The following PAFAH1B1 variants were observed in gnomAD, a reference collection of about 807,000 sequenced individuals.
PAFAH1B1 encodes platelet-activating factor acetylhydrolase IB subunit beta.
In PAFAH1B1, 2 loss-of-function variants were observed where a neutral mutation model predicts 57.5. The observed-to-expected ratio is 0.03, with a 90% CI of 0.01 to 0.11. The LOEUF (loss-of-function observed/expected upper bound fraction) is 0.11. PAFAH1B1 is among the 10% of genes least tolerant of loss of function. The pLI, the probability that PAFAH1B1 is intolerant of heterozygous loss-of-function variation, is 1.00. For missense variants in PAFAH1B1, 257 were observed against 512.0 expected (o/e 0.50, Z 4.81); for synonymous variants, 152 against 169.6 (o/e 0.90, Z 0.81).
chr17:2,676,679 T>TCATA (rs2069273526), intron 9 of PAFAH1B1, 73 bp downstream of exon 9: 3 of 876,410 alleles, frequency 3.4e-6, no homozygotes, highest in Non-Finnish European at 3.9e-6. Flanking sequence ...TGCTTTATGA[T>TCATA]ATCTTAAATA....
At chr17:2,677,769 G>T (rs2069293250) in intron 9 of PAFAH1B1, among the ~76,000 whole-genome samples, 1 of 151,802 alleles carries the variant, frequency 6.6e-6, no homozygotes, top group Non-Finnish European at 1.5e-5. Context: ...CAGGAGAATG[G>T]CGTGAACCCG....
At chr17:2,664,688 CTCTCTT>C (rs57476585) in intron 2 of PAFAH1B1, among the ~76,000 whole-genome samples, 21,033 of 99,928 alleles carry the variant, frequency 0.21, 1,955 homozygotes, top group Non-Finnish European at 0.29. Context: ...CTCTCTCTCT[CTCTCTT>C]TCTCTCTCCA....
chr17:2,664,235 T>TG (rs1247888939), intron 2 of PAFAH1B1, among the ~76,000 whole-genome samples: 1 of 152,196 alleles, frequency 6.6e-6, no homozygotes, highest in African/African-American at 2.4e-5. Flanking sequence ...ACAATACTAC[T>TG]GGAGTGTGTT....
chr17:2,633,124 T>A (rs2068575405), intron 1 of PAFAH1B1, among the ~76,000 whole-genome samples: 1 of 152,094 alleles, frequency 6.6e-6, no homozygotes, highest in South Asian at 2.1e-4. Flanking sequence ...TCCTGTGGTC[T>A]TTTTCTCCAC....
At chr17:2,634,566 A>G (rs1218927626) in intron 1 of PAFAH1B1, among the ~76,000 whole-genome samples, 7 of 151,908 alleles carry the variant, frequency 4.6e-5, no homozygotes, top group Non-Finnish European at 2.9e-5. Context: ...CATTTTTTTT[A>G]TTTACTCCTG....
In PAFAH1B1 at chr17:2,665,288, G is replaced by A. The variant is rs1193613122; in HGVS notation, c.33-84G>A. ...TACTCTTGAAAAGAGTATCTTCAGG[G>A]TTAATGAGATTTTAAATAAATTCTA... On this transcript the variant is annotated intron_variant, in intron 2 of 10. Coordinates refer to ENST00000397195, the MANE Select transcript of PAFAH1B1 (RefSeq NM_000430.4). 3 of 801,924 alleles carry A rather than the reference G, an allele frequency of 3.7e-6. No homozygotes were observed. In the African/African-American group the frequency reaches 5.1e-5, roughly 14 times the overall value. 49.7% of individuals were successfully genotyped at this position (801,924 alleles called of 1,614,324 possible). A position where few individuals can be genotyped will look rare whatever the true frequency, so the allele number is the denominator to read the frequency against.
At chr17:2,645,372 T>C (rs1364555234) in intron 2 of PAFAH1B1, among the ~76,000 whole-genome samples, 2 of 151,800 alleles carry the variant, frequency 1.3e-5, no homozygotes, top group Admixed American at 6.6e-5. Context: ...CTGAGGCAGA[T>C]CACTTGAGGT....
rs180684227 is a variant in PAFAH1B1 at position 2,639,999 on chromosome 17, T to C, written c.32+1679T>C. 5.3e-5 allele frequency: 8 copies of C among 152,342 alleles called. No individual in the cohort carries two copies. In the East Asian group the frequency reaches 1.5e-3, roughly 29 times the overall value. 9.4% of individuals were successfully genotyped at this position (152,342 alleles called of 1,614,324 possible). A position where few individuals can be genotyped will look rare whatever the true frequency, so the allele number is the denominator to read the frequency against. On this transcript the variant is annotated intron_variant, in intron 2 of 10. Coordinates refer to ENST00000397195, the MANE Select transcript of PAFAH1B1 (RefSeq NM_000430.4). ...TAGCACAAAGCATACTAATGTTTTT[T>C]GAAATACACCCATTGTTAACATTTT...
intron 1 of PAFAH1B1, among the ~76,000 whole-genome samples, chr17:2,605,145 T>G (rs966857084): frequency 3.9e-5 from 6 of 152,184 alleles, no homozygotes; most frequent in African/African-American, 1.4e-4. Context: ...TGATTAGTGC[T>G]TGAAGCAAGA....
Position 2,682,310 on chromosome 17 carries a change from T to C in PAFAH1B1, c.*508T>C, listed in dbSNP as rs1034325824. ...ATGATAAGGCTACAATTCAGAATCTTCTGAACCATCTATGTAATGAATGGG... is the reference window on the plus strand; with the variant it reads ...ATGATAAGGCTACAATTCAGAATCTCCTGAACCATCTATGTAATGAATGGG... On this transcript the variant is annotated 3_prime_UTR_variant, in exon 11 of 11. Transcript: ENST00000397195. 2 of 153,290 alleles carry C rather than the reference T, an allele frequency of 1.3e-5. No individual in the cohort carries two copies. Among genetic ancestry groups the C allele is most frequent in the African/African-American group, 4.8e-5 (2 of 41,474 alleles). 9.5% of individuals were successfully genotyped at this position (153,290 alleles called of 1,614,324 possible). A position where few individuals can be genotyped will look rare whatever the true frequency, so the allele number is the denominator to read the frequency against.
At chr17:2,603,922 G>A (rs778139419) in intron 1 of PAFAH1B1, among the ~76,000 whole-genome samples, 24 of 152,120 alleles carry the variant, frequency 1.6e-4, no homozygotes, top group Admixed American at 3.3e-4. Context: ...ATTTTTAGTA[G>A]AGATGGGGTT....
chr17:2,633,504 A>G (rs751343157), intron 1 of PAFAH1B1, among the ~76,000 whole-genome samples: 27 of 151,552 alleles, frequency 1.8e-4, no homozygotes, highest in Non-Finnish European at 3.5e-4. Flanking sequence ...GTAAGGCATC[A>G]TACCTAGACT....
intron 4 of PAFAH1B1, among the ~76,000 whole-genome samples, 191 bp downstream of exon 4, chr17:2,666,281 G>A (rs954366199): frequency 6.6e-6 from 1 of 152,090 alleles, no homozygotes; most frequent in African/African-American, 2.4e-5. Context: ...CATATCTGGA[G>A]TTGCTGACTG....
At chr17:2,680,351 T>C in intron 10 of PAFAH1B1, 31 bp downstream of exon 10, 1 of 1,603,934 alleles carries the variant, frequency 6.2e-7, no homozygotes, top group Non-Finnish European at 8.5e-7. Flanking sequence ...CTCTGAACAT[T>C]AGATTTTGGA....
intron 1 of PAFAH1B1, among the ~76,000 whole-genome samples, chr17:2,620,941 C>T (rs758195053): frequency 1.3e-5 from 2 of 152,076 alleles, no homozygotes; most frequent in South Asian, 4.1e-4. Flanking sequence ...ATCTTTAATT[C>T]TTTACCAGCT....
At chr17:2,680,640 A>C (rs923302872) in intron 10 of PAFAH1B1, among the ~76,000 whole-genome samples, 2 of 152,228 alleles carry the variant, frequency 1.3e-5, no homozygotes, top group African/African-American at 4.8e-5. Context: ...TTCTCAAACA[A>C]AATCTTCCTC....
In PAFAH1B1 at chr17:2,672,732, A is replaced by G. The variant is rs555806037; in HGVS notation, c.646A>G (p.Ile216Val). The G allele has an allele frequency of 8.1e-6, 13 of 1,611,854 alleles. No individual in the cohort carries two copies. The highest frequency in any genetic ancestry group is 1.3e-5 in the African/African-American group (1 of 75,010). ...HIVSASRDKT[I>V]KMWEVQTGYC... is the part of the protein sequence containing the mutation. ...AGTGTCTGCCTCAAGGGATAAAACT[A>G]TAAAAATGTGGGAAGTGCAAACTGG... is the stretch of plus-strand genomic sequence containing the variant. The change falls in exon 7 of 11, where the codon ATA (isoleucine) becomes GTA (valine). Residue 216 changes from isoleucine to valine, a missense_variant. Transcript: ENST00000397195.
chr17:2,652,072 G>T (rs2068858477), intron 2 of PAFAH1B1, among the ~76,000 whole-genome samples: 1 of 152,080 alleles, frequency 6.6e-6, no homozygotes, highest in Admixed American at 6.6e-5. Context: ...CAATTATATA[G>T]CTTGTATCCT....
chr17:2,663,219 C>T (rs548087064), intron 2 of PAFAH1B1, among the ~76,000 whole-genome samples: 16 of 151,854 alleles, frequency 1.1e-4, no homozygotes, highest in East Asian at 1.9e-4. Context: ...CAGAGCTTGT[C>T]GTGAGTGGAG....
Sources: gnomAD v4.1 joint callset for allele counts (sites outside exome capture counted in the v4.1 genomes callset) on GRCh38, gnomAD v4.1.1 for gene constraint, MANE v1.5 for transcripts, NCBI Gene and HGNC (gene_info 2026-07-23, HGNC 2026-07-21) for gene names.